The following FBXL7 variants were observed in gnomAD, a reference collection of about 807,000 sequenced individuals.
FBXL7 encodes the protein F-box and leucine rich repeat protein 7, also known as F-box/LRR-repeat protein 7.
In FBXL7, 12 loss-of-function variants were observed where a neutral mutation model predicts 38.3. The ratio of observed to expected loss-of-function variants is 0.31; its 90% CI spans 0.20 to 0.51. The LOEUF is 0.51. Ranked by LOEUF, FBXL7 falls within the 20% of genes least tolerant of loss-of-function variation. The pLI is 0.98. For synonymous variants in FBXL7, 297 were observed against 300.9 expected (o/e 0.99, Z 0.13); for missense variants, 567 against 676.4 (o/e 0.84, Z 1.79).
intron 2 of FBXL7, among the ~76,000 whole-genome samples, chr5:15,810,658 T>G (rs1371739524): frequency 1.3e-5 from 2 of 152,206 alleles, no homozygotes; most frequent in African/African-American, 4.8e-5. Flanking sequence ...TTATTTTATC[T>G]GCCTTGGATT....
intron 2 of FBXL7, among the ~76,000 whole-genome samples, chr5:15,799,641 C>T (rs142983037): frequency 3.3e-5 from 5 of 152,132 alleles, no homozygotes; most frequent in Non-Finnish European, 5.9e-5. Flanking sequence ...GGATTACAGG[C>T]GTGAGCCACC....
intron 1 of FBXL7, among the ~76,000 whole-genome samples, chr5:15,501,014 T>G (rs528627704): frequency 6.6e-6 from 1 of 152,320 alleles, no homozygotes; most frequent in East Asian, 1.9e-4. Flanking sequence ...TCCCTGGGCA[T>G]CTGGGGTTTA....
intron 1 of FBXL7, among the ~76,000 whole-genome samples, chr5:15,592,235 C>T (rs1196848545): frequency 6.6e-6 from 1 of 152,218 alleles, no homozygotes; most frequent in African/African-American, 2.4e-5. Flanking sequence ...TGTCCATCCT[C>T]TGCCCCAGTT....
intron 2 of FBXL7, among the ~76,000 whole-genome samples, chr5:15,780,052 G>A (rs1736952829): frequency 6.6e-6 from 1 of 152,068 alleles, no homozygotes; most frequent in Non-Finnish European, 1.5e-5. Context: ...TTTCTCTTTG[G>A]CCAGTCCTCC....
At chr5:15,545,673 T>C (rs1312280637) in intron 1 of FBXL7, among the ~76,000 whole-genome samples, 1 of 152,232 alleles carries the variant, frequency 6.6e-6, no homozygotes, top group African/African-American at 2.4e-5. Flanking sequence ...ATAGATGTGC[T>C]GGGGACAAAA....
At chr5:15,895,099 A>G (rs1012597461) in intron 2 of FBXL7, among the ~76,000 whole-genome samples, 3 of 152,192 alleles carry the variant, frequency 2.0e-5, no homozygotes, top group Non-Finnish European at 2.9e-5. Context: ...TGTCCTATCT[A>G]TTCTACTCGT....
intron 2 of FBXL7, among the ~76,000 whole-genome samples, chr5:15,836,712 C>A (rs745481049): frequency 5.3e-4 from 81 of 152,102 alleles, no homozygotes; most frequent in Non-Finnish European, 9.3e-4. Context: ...ATGTGTGATG[C>A]AGTATGCCCC....
intron 2 of FBXL7, among the ~76,000 whole-genome samples, chr5:15,784,871 C>G (rs1372430620): frequency 6.6e-6 from 1 of 152,200 alleles, no homozygotes; most frequent in East Asian, 1.9e-4. Context: ...CAATAACAAC[C>G]TAGCACACAC....
intron 2 of FBXL7, among the ~76,000 whole-genome samples, chr5:15,679,557 TG>T (rs1045194176): frequency 1.4e-4 from 14 of 97,848 alleles, no homozygotes; most frequent in African/African-American, 4.1e-4. Flanking sequence ...TATGCTTCAT[TG>T]TTTTTTTTTT....
In FBXL7 at chr5:15,521,895, C is replaced by G. The variant is rs188660768; in HGVS notation, c.37+21182C>G. Among the ~76,000 whole-genome samples the G allele has an allele frequency of 3.2e-4, 49 of 152,332 alleles. 1 individual carries two copies. Among genetic ancestry groups the G allele is most frequent in the Admixed American group, 3.1e-3 (47 of 15,306 alleles). On this transcript the variant is annotated intron_variant, in intron 1 of 3. Coordinates refer to ENST00000504595, the MANE Select transcript of FBXL7 (RefSeq NM_012304.5). Reference sequence around the variant, plus strand: ...TAAATCCTTAAACAACTATACATTTCTTCGTACTGAGCAAAGATGCAGATT... The same window carrying G: ...TAAATCCTTAAACAACTATACATTTGTTCGTACTGAGCAAAGATGCAGATT...
In FBXL7 at chr5:15,938,759, C is replaced by T. The variant is rs968180168; in HGVS notation, c.*1573C>T. The T allele has an allele frequency of 4.8e-5, 18 of 378,718 alleles. No individual in the cohort carries two copies. The highest frequency in any genetic ancestry group is 3.3e-4 in the African/African-American group (16 of 48,352). 23.5% of individuals were successfully genotyped at this position (378,718 alleles called of 1,614,324 possible). On this transcript the variant is annotated 3_prime_UTR_variant, in exon 4 of 4. Transcript: ENST00000504595. ...TTAAATGGATGAAACTTCAAATTAT[C>T]TTATTTGGATAGAAGTCTATATTCT... is the stretch of plus-strand genomic sequence containing the variant.
intron 1 of FBXL7, among the ~76,000 whole-genome samples, chr5:15,511,228 C>A (rs1736788562): frequency 6.6e-6 from 1 of 152,206 alleles, no homozygotes; most frequent in African/African-American, 2.4e-5. Context: ...CATTAGGAAA[C>A]AATCTGCTGA....
intron 2 of FBXL7, among the ~76,000 whole-genome samples, chr5:15,656,228 T>A (rs922854435): frequency 6.6e-6 from 1 of 152,196 alleles, no homozygotes; most frequent in African/African-American, 2.4e-5. Context: ...CAAAATAAAC[T>A]TTGTGAAGTT....
intron 2 of FBXL7, among the ~76,000 whole-genome samples, chr5:15,796,088 C>T (rs1191923076): frequency 6.6e-6 from 1 of 152,186 alleles, no homozygotes; most frequent in Non-Finnish European, 1.5e-5. Flanking sequence ...ATAGGATTCT[C>T]AGAATCAACT....
At chr5:15,702,191 T>C (rs896194119) in intron 2 of FBXL7, among the ~76,000 whole-genome samples, 9 of 150,352 alleles carry the variant, frequency 6.0e-5, no homozygotes, top group African/African-American at 2.2e-4. Context: ...TGATCCGAGA[T>C]TGCGCCACTG....
At chr5:15,689,267 GTTTT>G (rs34173414) in intron 2 of FBXL7, among the ~76,000 whole-genome samples, 1 of 142,592 alleles carries the variant, frequency 7.0e-6, no homozygotes, top group African/African-American at 2.6e-5. Context: ...TTTATTTTCA[GTTTT>G]TTTTTTTTTT....
intron 1 of FBXL7, among the ~76,000 whole-genome samples, chr5:15,515,808 AAATT>A (rs1277785887): frequency 3.3e-5 from 5 of 152,184 alleles, no homozygotes; most frequent in Admixed American, 6.5e-5. Flanking sequence ...AAATGACTAA[AAATT>A]AATATGTACT....
chr5:15,848,017 C>G (rs1477130562), intron 2 of FBXL7, among the ~76,000 whole-genome samples: 1 of 152,112 alleles, frequency 6.6e-6, no homozygotes, highest in African/African-American at 2.4e-5. Flanking sequence ...TTGCTGAGTG[C>G]CCAAACAATA....
At chr5:15,502,843 T>C (rs898885786) in intron 1 of FBXL7, among the ~76,000 whole-genome samples, 2 of 152,162 alleles carry the variant, frequency 1.3e-5, no homozygotes, top group African/African-American at 4.8e-5. Flanking sequence ...AATGTTACAT[T>C]TCAAAGAAAG....
Sources: allele counts gnomAD v4.1 joint callset (sites outside exome capture counted in the v4.1 genomes callset), GRCh38; gene constraint gnomAD v4.1.1; transcripts MANE v1.5; gene names NCBI Gene and HGNC (gene_info 2026-07-23, HGNC 2026-07-21).